The following AR variants were observed in gnomAD, a reference collection of about 807,000 sequenced individuals.
AR encodes dihydrotestosterone receptor.
AR carries 8 observed loss-of-function variants against 53.9 expected under a neutral mutation model. The ratio of observed to expected loss-of-function variants is 0.15; its 90% confidence interval spans 0.09 to 0.27. The LOEUF is 0.27. Among genes scored for constraint, AR ranks in the 10% least tolerant of loss-of-function variants. The pLI is 1.00. For synonymous variants in AR, 359 were observed against 316.4 expected, an observed-to-expected ratio of 1.13 and a Z score of -1.43; for missense variants, 639 against 742.5, an observed-to-expected ratio of 0.86 and a Z score of 1.62.
chrX:67,598,162 C>T (rs144262308), intron 1 of AR, among the ~76,000 whole-genome samples: 8,162 of 111,129 alleles, frequency 0.073, 716 homozygotes, highest in African/African-American at 0.25. Context: ...CAGCACTGCT[C>T]CTTATGAAAA....
At chrX:67,709,586 C>T (rs1046571536) in intron 3 of AR, among the ~76,000 whole-genome samples, 2 of 112,258 alleles carry the variant, frequency 1.8e-5, no homozygotes, top group African/African-American at 3.2e-5. Flanking sequence ...CTTTGCACTT[C>T]CCGGGTGAGG....
At chrX:67,547,829 C>T (rs1929828246) in intron 1 of AR, among the ~76,000 whole-genome samples, 1 of 111,552 alleles carries the variant, frequency 9.0e-6, no homozygotes, top group African/African-American at 3.3e-5. Context: ...ACCTATGAGC[C>T]GTAATCTTAC....
chrX:67,706,172 G>A (rs1287664758), intron 3 of AR, among the ~76,000 whole-genome samples: 10 of 111,897 alleles, frequency 8.9e-5, no homozygotes, highest in Non-Finnish European at 3.8e-5. Context: ...AAATGAGTTA[G>A]GGAGGATTCC....
At chrX:67,624,058 G>C (rs2077692348) in intron 1 of AR, among the ~76,000 whole-genome samples, 1 of 110,809 alleles carries the variant, frequency 9.0e-6, no homozygotes, top group South Asian at 3.9e-4. Flanking sequence ...AGAGCAAAGA[G>C]GGAAGTGCCA....
chrX:67,683,836 G>T (rs1467371448), intron 2 of AR, among the ~76,000 whole-genome samples: 1 of 110,220 alleles, frequency 9.1e-6, no homozygotes, highest in Non-Finnish European at 1.9e-5. Context: ...CAGAGAAAAG[G>T]TGTGAACTAT....
intron 1 of AR, among the ~76,000 whole-genome samples, chrX:67,612,948 C>CT (rs1051544144): frequency 1.8e-5 from 2 of 111,211 alleles, no homozygotes; most frequent in South Asian, 3.7e-4. Flanking sequence ...ACAAGCATCT[C>CT]TTTTTTTTCC....
intron 3 of AR, chrX:67,695,262 C>A: frequency 1.3e-6 from 1 of 754,057 alleles, no homozygotes; most frequent in Non-Finnish European, 1.6e-6. Context: ...CTTCTGGATC[C>A]CAGCCAGTGA....
At chrX:67,665,555 C>G (rs1927220281) in intron 2 of AR, among the ~76,000 whole-genome samples, 2 of 112,173 alleles carry the variant, frequency 1.8e-5, no homozygotes, top group Non-Finnish European at 3.8e-5. Context: ...TTGGCCCAAT[C>G]TTCACTTGGT....
chrX:67,630,380 T>G (rs1325253754), intron 1 of AR, among the ~76,000 whole-genome samples: 1 of 111,806 alleles, frequency 8.9e-6, no homozygotes, highest in African/African-American at 3.3e-5. Flanking sequence ...TTGATCCCTT[T>G]ACCATTATGT....
intron 1 of AR, 42 bp downstream of exon 1, chrX:67,546,804 C>T (rs2147323580): frequency 8.6e-7 from 1 of 1,161,941 alleles, no homozygotes; most frequent in Middle Eastern, 2.4e-4. Flanking sequence ...CGGCCCAGGG[C>T]AGAGTCACTC....
At chrX:67,593,699 A>C (rs1182934961) in intron 1 of AR, among the ~76,000 whole-genome samples, 1 of 112,295 alleles carries the variant, frequency 8.9e-6, no homozygotes, top group Non-Finnish European at 1.9e-5. Context: ...ATTTTTAAAA[A>C]AGATCTGGAC....
chrX:67,652,816 A>G (rs1238144173), intron 2 of AR, among the ~76,000 whole-genome samples: 2 of 112,005 alleles, frequency 1.8e-5, no homozygotes, highest in Non-Finnish European at 1.9e-5. Context: ...TTAATGAGTA[A>G]TAAAGGTATT....
At chrX:67,695,073 C>T (rs758675875) in intron 3 of AR, 92 of 785,709 alleles carry the variant, frequency 1.2e-4, no homozygotes, top group African/African-American at 5.4e-4. Context: ...CTGACTCAGG[C>T]GGATGCAGTG....
chrX:67,630,976 C>A (rs1043721019), intron 1 of AR, among the ~76,000 whole-genome samples: 8 of 111,630 alleles, frequency 7.2e-5, no homozygotes, highest in Non-Finnish European at 1.5e-4. Context: ...CCCCTACTCT[C>A]TTCTGGCTTG....
At position 67,728,163 on chromosome X, in the gene AR, T is replaced by C; in HGVS notation, c.*4322T>C. On this transcript the variant is annotated 3_prime_UTR_variant, in exon 8 of 8. Transcript: ENST00000374690. ...AAGGACTCTGCTGGTGACTGACTTA[T>C]AAGAGCTTTGTGGGTTTTTTTTTCC... 1 of 122,077 alleles carries C rather than the reference T, an allele frequency of 8.2e-6. No homozygotes were observed. The highest frequency in any genetic ancestry group is 1.5e-5 in the Non-Finnish European group (1 of 65,307). 10.1% of individuals were successfully genotyped at this position (122,077 alleles called of 1,213,427 possible). A position where few individuals can be genotyped will look rare whatever the true frequency, so the allele number is the denominator to read the frequency against.
intron 3 of AR, among the ~76,000 whole-genome samples, chrX:67,705,163 T>C (rs1172849225): frequency 9.0e-6 from 1 of 111,647 alleles, no homozygotes; most frequent in Non-Finnish European, 1.9e-5. Flanking sequence ...TTTAAAGTAG[T>C]TTTCTCCAAT....
intron 1 of AR, among the ~76,000 whole-genome samples, chrX:67,553,818 T>A (rs1342979602): frequency 8.9e-6 from 1 of 112,512 alleles, no homozygotes; most frequent in African/African-American, 3.2e-5. Flanking sequence ...AATTGAACTG[T>A]CTTATTGATT....
At chrX:67,680,778 C>T (rs1292032070) in intron 2 of AR, 3 of 330,183 alleles carry the variant, frequency 9.1e-6, no homozygotes, top group South Asian at 7.9e-5. Context: ...CCAAGCCATA[C>T]TGCATGGCAG....
chrX:67,569,099 A>G, intron 1 of AR: 1 of 1,072,670 alleles, frequency 9.3e-7, no homozygotes. Context: ...ACTGTGACCT[A>G]ATATTACGCA....
Sources: allele counts gnomAD v4.1 joint callset (sites outside exome capture counted in the v4.1 genomes callset), GRCh38; gene constraint gnomAD v4.1.1; transcripts MANE v1.5; gene names NCBI Gene and HGNC (gene_info 2026-07-23, HGNC 2026-07-21).